Variants in CNTN3 observed in about 807,000 individuals in gnomAD.
CNTN3 encodes contactin 3, also known as contactin-3.
A neutral mutation model predicts 119.1 loss-of-function variants in CNTN3; 60 were observed. The observed-to-expected ratio is 0.50, with a 90% confidence interval of 0.41 to 0.62. CNTN3 has a LOEUF of 0.62. CNTN3 is among the 20% of genes least tolerant of loss of function. The pLI is 0.00. For synonymous variants in CNTN3, 450 were observed against 438.7 expected, an observed-to-expected ratio of 1.03 and a Z score of -0.32; for missense variants, 1,101 against 1,242.4, an observed-to-expected ratio of 0.89 and a Z score of 1.71.
At chr3:74,413,484 C>A (rs1701471153) in intron 5 of CNTN3, among the ~76,000 whole-genome samples, 1 of 152,108 alleles carries the variant, frequency 6.6e-6, no homozygotes, top group Admixed American at 6.5e-5. Flanking sequence ...GAACTGTAAC[C>A]AGCAAATGGG....
chr3:74,518,518 T>C (rs146352705), intron 2 of CNTN3, among the ~76,000 whole-genome samples: 69 of 151,986 alleles, frequency 4.5e-4, no homozygotes, highest in African/African-American at 1.6e-3. Context: ...TGGCAATTGC[T>C]TACTCGAAGT....
chr3:74,406,054 A>G (rs1705316018), intron 5 of CNTN3, among the ~76,000 whole-genome samples: 1 of 152,130 alleles, frequency 6.6e-6, no homozygotes, highest in Non-Finnish European at 1.5e-5. Flanking sequence ...GGTCATTTAG[A>G]ATATTTAGTC....
At chr3:74,578,552 T>C (rs13073838) in intron 1 of CNTN3, among the ~76,000 whole-genome samples, 40,714 of 151,928 alleles carry the variant, frequency 0.27, 6,770 homozygotes, top group Non-Finnish European at 0.38. Context: ...CCTCAGACTA[T>C]CCCATCATAA....
chr3:74,307,198 G>C (rs1702582698), intron 13 of CNTN3, among the ~76,000 whole-genome samples: 1 of 152,102 alleles, frequency 6.6e-6, no homozygotes, highest in African/African-American at 2.4e-5. Context: ...GGGATGTCAG[G>C]GGTAGAGTTA....
At chr3:74,550,443 G>T (rs575969906) in intron 1 of CNTN3, among the ~76,000 whole-genome samples, 1 of 152,332 alleles carries the variant, frequency 6.6e-6, no homozygotes, top group South Asian at 2.1e-4. Flanking sequence ...GAAAGCATCT[G>T]CAATTGCATT....
intron 1 of CNTN3, among the ~76,000 whole-genome samples, chr3:74,567,997 G>C (rs971372409): frequency 3.9e-5 from 6 of 152,132 alleles, no homozygotes; most frequent in African/African-American, 1.4e-4. Flanking sequence ...CTGGGTGACT[G>C]TTCCCAAGAA....
At chr3:74,376,817 T>G (rs537445604) in intron 5 of CNTN3, among the ~76,000 whole-genome samples, 66 of 151,816 alleles carry the variant, frequency 4.3e-4, no homozygotes, top group Non-Finnish European at 6.8e-4. Flanking sequence ...CAATAGGAAA[T>G]TCACACAAAT....
intron 1 of CNTN3, among the ~76,000 whole-genome samples, chr3:74,554,506 G>A (rs986645745): frequency 5.9e-5 from 9 of 152,134 alleles, no homozygotes; most frequent in Admixed American, 5.9e-4. Context: ...ATTACTTTGG[G>A]CAGTATGGCC....
At chr3:74,504,363 C>G (rs1433427985) in intron 2 of CNTN3, among the ~76,000 whole-genome samples, 1 of 152,118 alleles carries the variant, frequency 6.6e-6, no homozygotes, top group Admixed American at 6.6e-5. Flanking sequence ...AGAATGAGCT[C>G]TAGCCTGGGT....
At chr3:74,283,330 C>T (rs946570490) in intron 20 of CNTN3, among the ~76,000 whole-genome samples, 3 of 152,078 alleles carry the variant, frequency 2.0e-5, no homozygotes, top group African/African-American at 7.2e-5. Flanking sequence ...AGAATCAATA[C>T]ATGAAAATTA....
chr3:74,451,026 C>T (rs1007585053), intron 4 of CNTN3, among the ~76,000 whole-genome samples: 1 of 152,052 alleles, frequency 6.6e-6, no homozygotes, highest in African/African-American at 2.4e-5. Context: ...TGGGTATATA[C>T]CCAGCATTGG....
intron 13 of CNTN3, among the ~76,000 whole-genome samples, chr3:74,317,390 CT>C (rs1702861715): frequency 6.6e-6 from 1 of 151,944 alleles, no homozygotes; most frequent in Non-Finnish European, 1.5e-5. Context: ...ATGATGTTAG[CT>C]GGTTATTTTG....
intron 20 of CNTN3, among the ~76,000 whole-genome samples, chr3:74,271,759 T>C (rs1039546116): frequency 6.6e-6 from 1 of 152,126 alleles, no homozygotes; most frequent in Non-Finnish European, 1.5e-5. Context: ...CTTAAACATG[T>C]GGTATTGTGC....
chr3:74,605,732 C>T (rs1704981235), intron 1 of CNTN3, among the ~76,000 whole-genome samples: 1 of 152,174 alleles, frequency 6.6e-6, no homozygotes, highest in Non-Finnish European at 1.5e-5. Context: ...CTCCACAGGG[C>T]AGACTCAGTG....
intron 5 of CNTN3, among the ~76,000 whole-genome samples, chr3:74,390,325 C>T (rs1358318344): frequency 6.0e-5 from 9 of 150,128 alleles, no homozygotes; most frequent in Admixed American, 6.0e-4. Context: ...TTAAACAGCC[C>T]TAACAGCATG....
intron 1 of CNTN3, among the ~76,000 whole-genome samples, chr3:74,533,608 A>G (rs959865098): frequency 6.6e-6 from 1 of 151,928 alleles, no homozygotes; most frequent in Non-Finnish European, 1.5e-5. Flanking sequence ...AACATTCCCA[A>G]TTTCATACAG....
At chr3:74,590,234 G>A (rs560434718) in intron 1 of CNTN3, among the ~76,000 whole-genome samples, 1 of 152,132 alleles carries the variant, frequency 6.6e-6, no homozygotes, top group East Asian at 1.9e-4. Flanking sequence ...AGGGAGTGGA[G>A]GATAGAGGCT....
intron 1 of CNTN3, among the ~76,000 whole-genome samples, chr3:74,527,085 T>C (rs1703631439): frequency 1.3e-5 from 2 of 151,912 alleles, no homozygotes; most frequent in Non-Finnish European, 2.9e-5. Context: ...TATACCTATA[T>C]AGATATGTGT....
At chr3:74,301,287 G>T in intron 16 of CNTN3, 111 bp downstream of exon 16, 1 of 1,124,176 alleles carries the variant, frequency 8.9e-7, no homozygotes, top group Non-Finnish European at 1.3e-6. Flanking sequence ...TTAGATAACT[G>T]CAACAATGGA....
Sources: allele counts gnomAD v4.1 joint callset (sites outside exome capture counted in the v4.1 genomes callset), GRCh38; gene constraint gnomAD v4.1.1; transcripts MANE v1.5; gene names NCBI Gene and HGNC (gene_info 2026-07-23, HGNC 2026-07-21).